CSTPP1: variants seen among roughly 807,000 people sequenced by gnomAD.
CSTPP1 encodes the protein centriolar satellite-associated tubulin polyglutamylase complex regulator 1, also known as UPF0705 protein C11orf49.
At chr11:47,113,640 G>T in the CSTPP1 span, among the ~76,000 whole-genome samples, 1 of 152,272 alleles carries the variant, frequency 6.6e-6, no homozygotes, top group South Asian at 2.1e-4. Context: ...TGGCTGCATA[G>T]ATGTCTTCTT....
chr11:46,962,174 TTCAA>T, the CSTPP1 span, among the ~76,000 whole-genome samples: 1 of 152,312 alleles, frequency 6.6e-6, no homozygotes, highest in Admixed American at 6.5e-5. Flanking sequence ...GGAACTACAG[TTCAA>T]GATGAGATTT....
the CSTPP1 span, among the ~76,000 whole-genome samples, chr11:47,051,108 TCC>T: frequency 6.6e-6 from 1 of 151,998 alleles, no homozygotes; most frequent in Admixed American, 6.6e-5. Context: ...GTCAGATTTT[TCC>T]CCCCCTTTAT....
chr11:46,994,535 A>T, the CSTPP1 span, among the ~76,000 whole-genome samples: 3 of 152,188 alleles, frequency 2.0e-5, no homozygotes, highest in African/African-American at 7.2e-5. Flanking sequence ...TGAGATAATC[A>T]TGTGGTTTTT....
the CSTPP1 span, among the ~76,000 whole-genome samples, chr11:46,969,293 G>GT: frequency 6.6e-6 from 1 of 152,046 alleles, no homozygotes; most frequent in African/African-American, 2.4e-5. Context: ...TGTGTATTGA[G>GT]TTTTTTTGTT....
the CSTPP1 span, among the ~76,000 whole-genome samples, chr11:46,943,669 G>A: frequency 6.6e-6 from 1 of 152,200 alleles, no homozygotes; most frequent in African/African-American, 2.4e-5. Context: ...TTGGGTAGCT[G>A]TATGACCTAG....
At chr11:46,950,497 TC>T in the CSTPP1 span, among the ~76,000 whole-genome samples, 1 of 152,038 alleles carries the variant, frequency 6.6e-6, no homozygotes, top group African/African-American at 2.4e-5. Flanking sequence ...TAAATTCTAA[TC>T]CCTTAGGCAG....
chr11:47,033,308 C>T, the CSTPP1 span, among the ~76,000 whole-genome samples: 1 of 152,118 alleles, frequency 6.6e-6, no homozygotes, highest in Non-Finnish European at 1.5e-5. Flanking sequence ...GTTTCAGTGC[C>T]TGTATCACTG....
the CSTPP1 span, among the ~76,000 whole-genome samples, chr11:47,058,096 G>A: frequency 6.5e-3 from 997 of 152,298 alleles, 8 homozygotes; most frequent in African/African-American, 0.021. Context: ...GACTTTGGGA[G>A]GCCAAGGCAA....
chr11:46,960,157 G>T, the CSTPP1 span, among the ~76,000 whole-genome samples: 1 of 152,134 alleles, frequency 6.6e-6, no homozygotes, highest in African/African-American at 2.4e-5. Flanking sequence ...GTGAGCCACT[G>T]CACTGGGCCT....
chr11:47,041,599 A>G, the CSTPP1 span: 2 of 408,364 alleles, frequency 4.9e-6, no homozygotes, highest in Non-Finnish European at 1.0e-5. Context: ...AAAGGCGCTC[A>G]TGGCTTCCTG....
the CSTPP1 span, among the ~76,000 whole-genome samples, chr11:47,163,587 C>T: frequency 1.3e-5 from 2 of 152,080 alleles, no homozygotes; most frequent in Non-Finnish European, 2.9e-5. Flanking sequence ...CCTTTTCTTC[C>T]CTAAATTTAA....
chr11:46,991,765 G>A, the CSTPP1 span: 1 of 152,104 alleles, frequency 6.6e-6, no homozygotes, highest in African/African-American at 2.4e-5. Flanking sequence ...TTTTGAGGCA[G>A]AGTCTCCCTC....
At chr11:47,061,230 T>C in the CSTPP1 span, among the ~76,000 whole-genome samples, 1 of 152,232 alleles carries the variant, frequency 6.6e-6, no homozygotes, top group Non-Finnish European at 1.5e-5. Context: ...TTTTTATTCT[T>C]GTCAACTTTG....
chr11:47,162,231 T>C, the CSTPP1 span: 33 of 985,322 alleles, frequency 3.3e-5, no homozygotes, highest in Admixed American at 1.2e-4. Context: ...GAATAAAAAG[T>C]CCCTCATGTC....
At chr11:47,103,426 A>G in the CSTPP1 span, among the ~76,000 whole-genome samples, 1 of 151,906 alleles carries the variant, frequency 6.6e-6, no homozygotes, top group African/African-American at 2.4e-5. Flanking sequence ...GTACAGAATC[A>G]AAGTCAAGAA....
At chr11:47,163,439 G>A in the CSTPP1 span, among the ~76,000 whole-genome samples, 4 of 152,060 alleles carry the variant, frequency 2.6e-5, no homozygotes, top group African/African-American at 7.2e-5. Context: ...GGCTCCCTCT[G>A]CCCATCCTTT....
chr11:47,015,410 G>C, the CSTPP1 span, among the ~76,000 whole-genome samples: 1 of 151,994 alleles, frequency 6.6e-6, no homozygotes, highest in Admixed American at 6.6e-5. Flanking sequence ...GGAGGAGGAG[G>C]CTGCAGTGAG....
the CSTPP1 span, among the ~76,000 whole-genome samples, chr11:47,163,141 C>T: frequency 6.6e-6 from 1 of 150,746 alleles, no homozygotes; most frequent in African/African-American, 2.4e-5. Context: ...CACTGCACTC[C>T]CGTCTGAGTG....
the CSTPP1 span, chr11:47,157,979 T>C: frequency 1.3e-6 from 2 of 1,499,806 alleles, no homozygotes; most frequent in African/African-American, 2.8e-5. Context: ...AGGGAGCAGC[T>C]GGCCTCTGTT....
Sources: gnomAD v4.1 joint callset for allele counts (sites outside exome capture counted in the v4.1 genomes callset) on GRCh38, gnomAD v4.1.1 for gene constraint, MANE v1.5 for transcripts, NCBI Gene and HGNC (gene_info 2026-07-23, HGNC 2026-07-21) for gene names.